FXR1: variants seen among roughly 807,000 people sequenced by gnomAD.
FXR1 encodes RNA-binding protein FXR1.
In FXR1, 15 loss-of-function variants were observed where a neutral mutation model predicts 84.0. The ratio of observed to expected loss-of-function variants is 0.18; its 90% CI spans 0.12 to 0.27. FXR1 has a LOEUF of 0.27. Among genes scored for constraint, FXR1 ranks in the 10% least tolerant of loss-of-function variants. The pLI, the probability that FXR1 is intolerant of heterozygous loss-of-function variation, is 1.00. For synonymous variants in FXR1, 245 were observed against 250.7 expected, an observed-to-expected ratio of 0.98 and a Z score of 0.21; for missense variants, 480 against 774.4, an observed-to-expected ratio of 0.62 and a Z score of 4.51.
rs1278856691 is a variant in FXR1 at position 180,981,292 on chromosome 3, T to A, written c.*5000T>A. ...ATACATATTCAGTATACTGAATTTA[T>A]ACAGCTTTCAGTGTGGCAATATATT... On this transcript the variant is annotated 3_prime_UTR_variant, in exon 17 of 17. Transcript: ENST00000357559. 1.3e-5 allele frequency: 2 copies of A among 152,072 alleles called. No individual in the cohort carries two copies. Among genetic ancestry groups the A allele is most frequent in the Non-Finnish European group, 2.9e-5 (2 of 67,950 alleles). 9.4% of individuals were successfully genotyped at this position (152,072 alleles called of 1,614,324 possible). A position where few individuals can be genotyped will look rare whatever the true frequency, so the allele number is the denominator to read the frequency against.
rs551310034 is a variant in FXR1, at chr3:180,965,021, C to CT, written c.1198+1943dup. Among the ~76,000 whole-genome samples the CT allele has an allele frequency of 1.5e-3, 213 of 145,390 alleles. 1 individual carries two copies. Among genetic ancestry groups the CT allele is most frequent in the East Asian group, 5.8e-3 (29 of 5,024 alleles). On this transcript the variant is annotated intron_variant, in intron 13 of 16. Transcript: ENST00000357559. The stretch of plus-strand genomic sequence containing the variant: ...AACACGATGTCATTATGTTTTGTTA[C>CT]TTTTTTTTTTTTGAGACGGAGTTTC...
chr3:180,926,506 A>ATATT (rs72192827), intron 1 of FXR1, among the ~76,000 whole-genome samples: 2,329 of 124,108 alleles, frequency 0.019, 36 homozygotes, highest in Non-Finnish European at 0.031. Flanking sequence ...ATATATATAT[A>ATATT]TTTTTTTTTC....
intron 9 of FXR1, among the ~76,000 whole-genome samples, chr3:180,956,693 CT>C (rs913282130): frequency 1.5e-3 from 222 of 143,980 alleles, no homozygotes; most frequent in Middle Eastern, 3.7e-3. Flanking sequence ...CCCTGCCCTA[CT>C]TTTTTTTTTT....
chr3:180,917,737 A>C (rs1355418768), intron 1 of FXR1, among the ~76,000 whole-genome samples: 1 of 152,038 alleles, frequency 6.6e-6, no homozygotes, highest in Non-Finnish European at 1.5e-5. Flanking sequence ...TCACGAGGTC[A>C]GGAGTTCGAG....
chr3:180,973,769 G>T (rs1713878425), intron 15 of FXR1, among the ~76,000 whole-genome samples: 1 of 152,148 alleles, frequency 6.6e-6, no homozygotes, highest in Non-Finnish European at 1.5e-5. Context: ...TTCTGAAATA[G>T]GTTGTTCCTT....
chr3:180,979,233 T>G lies in FXR1; in HGVS notation c.*2941T>G, dbSNP rs1018617505. ...CATTTGTATCCTCTGCAAACAGATT[T>G]ACGCTTTTGAGGCTCAAACCAACTA... On this transcript the variant is annotated 3_prime_UTR_variant, in exon 17 of 17. Coordinates refer to ENST00000357559, the MANE Select transcript of FXR1 (RefSeq NM_005087.4). 1.3e-5 allele frequency: 2 copies of G among 152,156 alleles called. No individual in the cohort carries two copies. The highest frequency in any genetic ancestry group is 6.5e-5 in the Admixed American group (1 of 15,268). 9.4% of individuals were successfully genotyped at this position (152,156 alleles called of 1,614,324 possible). A position where few individuals can be genotyped will look rare whatever the true frequency, so the allele number is the denominator to read the frequency against.
At chr3:180,929,569 C>G (rs751838734) in intron 1 of FXR1, among the ~76,000 whole-genome samples, 16 of 152,102 alleles carry the variant, frequency 1.1e-4, no homozygotes, top group Non-Finnish European at 1.9e-4. Flanking sequence ...GGAAGAGAGA[C>G]AGTCGAAATC....
intron 13 of FXR1, among the ~76,000 whole-genome samples, chr3:180,963,529 G>A (rs981310864): frequency 2.0e-5 from 3 of 152,068 alleles, no homozygotes; most frequent in African/African-American, 4.8e-5. Flanking sequence ...ATTGCATATA[G>A]CAAGTCTTTT....
chr3:180,963,505 G>A (rs1007281113), intron 13 of FXR1, among the ~76,000 whole-genome samples: 6 of 151,986 alleles, frequency 3.9e-5, no homozygotes, highest in Admixed American at 2.0e-4. Flanking sequence ...AAAAGTGTGC[G>A]AATCACTGCC....
chr3:180,959,037 A>G (rs1191890098), intron 10 of FXR1, among the ~76,000 whole-genome samples: 2 of 151,654 alleles, frequency 1.3e-5, no homozygotes, highest in Non-Finnish European at 2.9e-5. Flanking sequence ...CGATCTCTTG[A>G]CCTTGTGATC....
chr3:180,946,595 A>G (rs1270674648), intron 3 of FXR1, among the ~76,000 whole-genome samples: 1 of 152,198 alleles, frequency 6.6e-6, no homozygotes, highest in Non-Finnish European at 1.5e-5. Context: ...ACGGACCCTG[A>G]TTGGTATATT....
At position 180,977,074 on chromosome 3, in the gene FXR1, CCT is replaced by C. The variant is rs1714309492; in HGVS notation, c.*783_*784del. On this transcript the variant is annotated 3_prime_UTR_variant, in exon 17 of 17. Transcript: ENST00000357559. ...CTTCAGTAGAGTATCTTTTTTTTTTCCTTTTTTTTTTTTTTATTTCGGTTGTT... is the reference window on the plus strand; with the variant it reads ...CTTCAGTAGAGTATCTTTTTTTTTTCTTTTTTTTTTTTTATTTCGGTTGTT... 1 of 144,964 alleles carries C rather than the reference CCT, an allele frequency of 6.9e-6. No homozygotes were observed. Among genetic ancestry groups the C allele is most frequent in the South Asian group, 2.2e-4 (1 of 4,606 alleles). The allele number at this position is 144,964 out of a possible 1,614,324, so 9.0% of individuals were successfully genotyped here. A position where few individuals can be genotyped will look rare whatever the true frequency, so the allele number is the denominator to read the frequency against.
rs1226916758 is a variant in FXR1 at position 180,978,282 on chromosome 3, A to G, written c.*1990A>G. 2 of 146,920 alleles carry G rather than the reference A, an allele frequency of 1.4e-5. No individual in the cohort carries two copies. Among genetic ancestry groups the G allele is most frequent in the Non-Finnish European group, 3.1e-5 (2 of 65,066 alleles). The allele number at this position is 146,920 out of a possible 1,614,324, so 9.1% of individuals were successfully genotyped here. A position where few individuals can be genotyped will look rare whatever the true frequency, so the allele number is the denominator to read the frequency against. On this transcript the variant is annotated 3_prime_UTR_variant, in exon 17 of 17. Coordinates refer to ENST00000357559, the MANE Select transcript of FXR1 (RefSeq NM_005087.4). ...GATGGTTTCAATGGGAATGGAAGAAACAAAATCTTAAAAGAGTGAGTATAG... is the reference window on the plus strand; with the variant it reads ...GATGGTTTCAATGGGAATGGAAGAAGCAAAATCTTAAAAGAGTGAGTATAG...
rs758539106 is a variant in FXR1, at chr3:180,948,377, G to A, written c.301G>A (p.Ala101Thr). 2 of 1,604,800 alleles carry A rather than the reference G, an allele frequency of 1.2e-6. No homozygotes were observed. The highest frequency in any genetic ancestry group is 1.7e-6 in the Non-Finnish European group (2 of 1,172,142). Residue 101 changes from alanine to threonine, a missense_variant, in exon 5 of 17, where the codon GCT becomes ACT. Ala to Thr is a moderately conservative substitution (Grantham distance 58, BLOSUM62 0). Transcript: ENST00000357559. ...TGTCATTGAATATGCTGCTTGTGACGCTACTTACAATGAAATAGTCACATT... is the reference window on the plus strand; with the variant it reads ...TGTCATTGAATATGCTGCTTGTGACACTACTTACAATGAAATAGTCACATT... ...FYVIEYAACD[A>T]TYNEIVTFER... is the part of the protein sequence containing the mutation.
intron 1 of FXR1, among the ~76,000 whole-genome samples, chr3:180,925,375 G>T (rs1220797965): frequency 7.3e-6 from 1 of 137,168 alleles, no homozygotes; most frequent in Non-Finnish European, 1.6e-5. Flanking sequence ...AAAAAAAAAA[G>T]TACATTCCTC....
At chr3:180,935,584 C>T (rs962948165) in intron 3 of FXR1, among the ~76,000 whole-genome samples, 4 of 152,120 alleles carry the variant, frequency 2.6e-5, no homozygotes, top group African/African-American at 7.2e-5. Flanking sequence ...AACGATTTGC[C>T]TGGGTGTCTT....
intron 1 of FXR1, among the ~76,000 whole-genome samples, chr3:180,923,589 A>G (rs1279103010): frequency 6.6e-6 from 1 of 151,922 alleles, no homozygotes; most frequent in Non-Finnish European, 1.5e-5. Flanking sequence ...CTTTATTATG[A>G]ATCTTTTAAA....
At chr3:180,929,660 C>A (rs565911172) in intron 1 of FXR1, among the ~76,000 whole-genome samples, 1 of 152,186 alleles carries the variant, frequency 6.6e-6, no homozygotes, top group Non-Finnish European at 1.5e-5. Context: ...TGTCTCCTAT[C>A]GGATTTTGGC....
intron 1 of FXR1, among the ~76,000 whole-genome samples, chr3:180,929,574 G>A (rs550024626): frequency 2.0e-5 from 3 of 152,230 alleles, no homozygotes; most frequent in East Asian, 3.9e-4. Context: ...AGAGACAGTC[G>A]AAATCCCCAA....
Sources: gnomAD v4.1 joint callset for allele counts (sites outside exome capture counted in the v4.1 genomes callset) on GRCh38, gnomAD v4.1.1 for gene constraint, MANE v1.5 for transcripts, NCBI Gene and HGNC (gene_info 2026-07-23, HGNC 2026-07-21) for gene names.